TTC17: variants seen among roughly 807,000 people sequenced by gnomAD.
TTC17 encodes the protein tetratricopeptide repeat protein 17.
A neutral mutation model predicts 143.8 loss-of-function variants in TTC17; 58 were observed. The observed-to-expected ratio is 0.40, with a 90% confidence interval of 0.33 to 0.50. The LOEUF is 0.50. Among genes scored for constraint, TTC17 ranks in the 20% least tolerant of loss-of-function variants. The pLI, the probability that TTC17 is intolerant of heterozygous loss-of-function variation, is 0.49. For missense variants in TTC17, 1,273 were observed against 1,392.5 expected, an observed-to-expected ratio of 0.91 and a Z score of 1.37; for synonymous variants, 501 against 497.8, an observed-to-expected ratio of 1.01 and a Z score of -0.09.
chr11:43,379,856 C>T (rs1001551565), intron 2 of TTC17, among the ~76,000 whole-genome samples: 1 of 152,040 alleles, frequency 6.6e-6, no homozygotes, highest in African/African-American at 2.4e-5. Flanking sequence ...TAATAAACAT[C>T]AGTTTTCCTT....
intron 18 of TTC17, chr11:43,446,643 A>G (rs1012070607): frequency 2.0e-6 from 2 of 984,430 alleles, no homozygotes; most frequent in Non-Finnish European, 2.4e-6. Flanking sequence ...TAAAATCTCA[A>G]TCTAAACCCC....
At chr11:43,360,416 T>A (rs1565124230) in intron 1 of TTC17, among the ~76,000 whole-genome samples, 1 of 152,330 alleles carries the variant, frequency 6.6e-6, no homozygotes, top group East Asian at 1.9e-4. Context: ...TAAGACCATA[T>A]GTGAGTGCTG....
chr11:43,364,801 T>C (rs897983533), intron 1 of TTC17, among the ~76,000 whole-genome samples: 3 of 152,180 alleles, frequency 2.0e-5, no homozygotes, highest in Non-Finnish European at 4.4e-5. Flanking sequence ...ATTTTTTAAA[T>C]TTTTATTTAT....
At chr11:43,412,981 GACACACACAC>G (rs57982323) in intron 15 of TTC17, among the ~76,000 whole-genome samples, 16,849 of 140,294 alleles carry the variant, frequency 0.12, 1,134 homozygotes, top group Middle Eastern at 0.17. Flanking sequence ...ACCTAGAATA[GACACACACAC>G]ACACACACAC....
chr11:43,382,537 A>G (rs1857009472), intron 2 of TTC17, among the ~76,000 whole-genome samples: 1 of 152,250 alleles, frequency 6.6e-6, no homozygotes, highest in Admixed American at 6.5e-5. Context: ...TTTATTGGCA[A>G]ATATATTAAA....
At chr11:43,493,667 C>T (rs913294607) in intron 23 of TTC17, 106 bp from the exon 24 acceptor site, 58 of 1,528,052 alleles carry the variant, frequency 3.8e-5, no homozygotes, top group Admixed American at 2.1e-4. Flanking sequence ...GCAAATGCTG[C>T]GGGATTGTCC....
intron 21 of TTC17, among the ~76,000 whole-genome samples, chr11:43,471,458 A>C (rs1948090989): frequency 6.6e-6 from 1 of 152,198 alleles, no homozygotes; most frequent in South Asian, 2.1e-4. Flanking sequence ...ATCAATGCCT[A>C]GTTTGGCCTA....
chr11:43,410,535 AGT>A (rs548757511), intron 15 of TTC17, among the ~76,000 whole-genome samples: 79 of 152,310 alleles, frequency 5.2e-4, no homozygotes, highest in Non-Finnish European at 9.6e-4. Flanking sequence ...TTTTCTTTGT[AGT>A]GTGAGGTAGG....
At chr11:43,447,257 C>G (rs746299816) in intron 18 of TTC17, among the ~76,000 whole-genome samples, 1 of 152,126 alleles carries the variant, frequency 6.6e-6, no homozygotes, top group Non-Finnish European at 1.5e-5. Flanking sequence ...AAAAACTTAA[C>G]CACATGAGGT....
At chr11:43,440,911 C>CTATCCCTGTATG (rs1322743760) in intron 16 of TTC17, among the ~76,000 whole-genome samples, 3 of 151,832 alleles carry the variant, frequency 2.0e-5, no homozygotes, top group Non-Finnish European at 4.4e-5. Flanking sequence ...TGTGCCTTTA[C>CTATCCCTGTATG]TATCCCTGTA....
At chr11:43,398,592 A>G (rs1293286366) in intron 8 of TTC17, among the ~76,000 whole-genome samples, 1 of 152,170 alleles carries the variant, frequency 6.6e-6, no homozygotes, top group Non-Finnish European at 1.5e-5. Flanking sequence ...GAGAGACATT[A>G]TTTGGCCCAC....
intron 21 of TTC17, among the ~76,000 whole-genome samples, chr11:43,476,451 C>G (rs1459701814): frequency 6.6e-6 from 1 of 152,226 alleles, no homozygotes; most frequent in African/African-American, 2.4e-5. Flanking sequence ...TTTCTTGCTG[C>G]TGATAAAGAC....
At chr11:43,482,504 T>G (rs893772953) in intron 21 of TTC17, among the ~76,000 whole-genome samples, 2 of 152,126 alleles carry the variant, frequency 1.3e-5, no homozygotes, top group Non-Finnish European at 2.9e-5. Flanking sequence ...ATATCTTTCT[T>G]TAATTGATAG....
intron 21 of TTC17, among the ~76,000 whole-genome samples, chr11:43,465,397 A>G (rs1472647378): frequency 6.6e-6 from 1 of 152,232 alleles, no homozygotes; most frequent in Non-Finnish European, 1.5e-5. Flanking sequence ...CTCACAGATG[A>G]TTCAGGCAGT....
At chr11:43,407,610 A>G (rs373860371) in intron 15 of TTC17, 33 bp downstream of exon 15, 3 of 1,583,496 alleles carry the variant, frequency 1.9e-6, no homozygotes, top group East Asian at 2.2e-5. Flanking sequence ...AGTTCCGTAT[A>G]CTATGTAGGG....
At chr11:43,398,173 G>C in intron 8 of TTC17, 60 bp downstream of exon 8, 4 of 1,589,128 alleles carry the variant, frequency 2.5e-6, no homozygotes, top group Non-Finnish European at 3.4e-6. Flanking sequence ...GGTTAAATCT[G>C]TGTAGGGGAT....
chr11:43,396,825 T>G lies in TTC17; in HGVS notation c.773+7T>G. On this transcript the variant is annotated splice_region_variant and intron_variant, in intron 6 of 23. Coordinates refer to ENST00000039989, the MANE Select transcript of TTC17 (RefSeq NM_018259.6). Reference sequence around the variant, plus strand: ...CACTTCACTTCTCTTCCAGGTAAGATTCCTCCTCTTCTGGACCTGATTTTC... The same window carrying G: ...CACTTCACTTCTCTTCCAGGTAAGAGTCCTCCTCTTCTGGACCTGATTTTC... The G allele has an allele frequency of 1.9e-6, 3 of 1,560,928 alleles. No homozygotes were observed. Among genetic ancestry groups the G allele is most frequent in the African/African-American group, 1.4e-5 (1 of 73,960 alleles).
Position 43,446,177 on chromosome 11 carries a change from A to C in TTC17, c.2666-1825A>C, listed in dbSNP as rs930293176. On this transcript the variant is annotated intron_variant, in intron 18 of 23. Coordinates refer to ENST00000039989, the MANE Select transcript of TTC17 (RefSeq NM_018259.6). ...CCAACCATGCTCATGTTTTTACCTC[A>C]GTGCCTTTGCACATGCTATTCCCTC... 14 of 1,312,606 alleles carry C rather than the reference A, an allele frequency of 1.1e-5. No individual in the cohort carries two copies. In the African/African-American group the frequency reaches 1.9e-4, roughly 18 times the overall value. 81.3% of individuals were successfully genotyped at this position (1,312,606 alleles called of 1,614,324 possible).
At chr11:43,438,612 A>G (rs1277739171) in intron 16 of TTC17, among the ~76,000 whole-genome samples, 3 of 152,258 alleles carry the variant, frequency 2.0e-5, no homozygotes, top group South Asian at 4.1e-4. Flanking sequence ...GCACCCATTG[A>G]TATTACTCAT....
Sources: allele counts gnomAD v4.1 joint callset (sites outside exome capture counted in the v4.1 genomes callset), GRCh38; gene constraint gnomAD v4.1.1; transcripts MANE v1.5; gene names NCBI Gene and HGNC (gene_info 2026-07-23, HGNC 2026-07-21).